The following TAB2 variants were observed in gnomAD, a reference collection of about 807,000 sequenced individuals.
The protein encoded by TAB2 is TGF-beta activated kinase 1 (MAP3K7) binding protein 2, also known as TGF-beta-activated kinase 1 and MAP3K7-binding protein 2.
A neutral mutation model predicts 65.0 loss-of-function variants in TAB2; 3 were observed. The observed-to-expected ratio is 0.05, with a 90% CI of 0.02 to 0.12. TAB2 has a LOEUF of 0.12. Among genes scored for constraint, TAB2 ranks in the 10% least tolerant of loss-of-function variants. TAB2 has a pLI of 1.00. For missense variants in TAB2, 623 were observed against 840.3 expected (o/e 0.74, Z 3.20); for synonymous variants, 298 against 285.1 (o/e 1.05, Z -0.46).
At chr6:149,399,566 T>C (rs757717663) in intron 6 of TAB2, among the ~76,000 whole-genome samples, 7 of 150,904 alleles carry the variant, frequency 4.6e-5, no homozygotes, top group Non-Finnish European at 8.8e-5. Flanking sequence ...AATTTATATA[T>C]AACTTTAAGT....
At chr6:149,256,767 A>C (rs1220214042) in intron 1 of TAB2, among the ~76,000 whole-genome samples, 1 of 152,212 alleles carries the variant, frequency 6.6e-6, no homozygotes, top group Non-Finnish European at 1.5e-5. Context: ...AGACTTCTTT[A>C]GAAAATTACA....
chr6:149,351,088 C>CT (rs1780475524), intron 1 of TAB2, among the ~76,000 whole-genome samples: 1 of 152,002 alleles, frequency 6.6e-6, no homozygotes, highest in African/African-American at 2.4e-5. Flanking sequence ...TTCTTTTATA[C>CT]TTTAAGTTCC....
chr6:149,278,860 C>T (rs1778523211), intron 1 of TAB2, among the ~76,000 whole-genome samples: 1 of 152,122 alleles, frequency 6.6e-6, no homozygotes, highest in Non-Finnish European at 1.5e-5. Context: ...GGGAGGATCA[C>T]TTGAGCCCAG....
upstream of TAB2, among the ~76,000 whole-genome samples, chr6:149,313,959 A>T (rs1257066011): frequency 6.6e-6 from 1 of 152,172 alleles, no homozygotes; most frequent in Non-Finnish European, 1.5e-5. Context: ...CCATCTTACT[A>T]TTAACCAGAC....
At chr6:149,351,682 T>G (rs1485358918) in intron 1 of TAB2, among the ~76,000 whole-genome samples, 3 of 152,162 alleles carry the variant, frequency 2.0e-5, no homozygotes, top group Non-Finnish European at 4.4e-5. Flanking sequence ...ATTAAATGAT[T>G]TGCCCAAGAA....
intron 1 of TAB2, among the ~76,000 whole-genome samples, chr6:149,219,306 T>TTGTGTGTGTGTGTGTG (rs3064238): frequency 6.8e-5 from 10 of 146,220 alleles, no homozygotes; most frequent in African/African-American, 2.0e-4. Context: ...ATTTTAACAT[T>TTGTGTGTGTGTGTGTG]TGTGTGTGTG....
At chr6:149,364,864 C>T (rs1174517477) in intron 1 of TAB2, among the ~76,000 whole-genome samples, 1 of 151,576 alleles carries the variant, frequency 6.6e-6, no homozygotes, top group Non-Finnish European at 1.5e-5. Flanking sequence ...ATAAACTGCA[C>T]TGAATATGAA....
At position 149,410,873 on chromosome 6, in the gene TAB2, C is replaced by T. The variant is rs1158290313; in HGVS notation, c.*1154C>T. ...ACAGTCTCAAAACCAGCAACAGCAG[C>T]AGTACCTACAGCCCTTTTTTTGGAG... is the stretch of plus-strand genomic sequence containing the variant. On this transcript the variant is annotated 3_prime_UTR_variant, in exon 7 of 7. Coordinates refer to ENST00000637181, the MANE Select transcript of TAB2 (RefSeq NM_001292034.3). 6.6e-6 allele frequency: 1 copy of T among 152,470 alleles called. No homozygotes were observed. The highest frequency in any genetic ancestry group is 1.5e-5 in the Non-Finnish European group (1 of 68,048). The allele number at this position is 152,470 out of a possible 1,614,324, so 9.4% of individuals were successfully genotyped here.
intron 3 of TAB2, among the ~76,000 whole-genome samples, chr6:149,389,145 G>T (rs1342215440): frequency 6.6e-6 from 1 of 151,552 alleles, no homozygotes; most frequent in South Asian, 2.1e-4. Context: ...TAGTAGAGAT[G>T]GGGTTTCATC....
chr6:149,283,358 C>G (rs923737133), intron 1 of TAB2, among the ~76,000 whole-genome samples: 2 of 152,086 alleles, frequency 1.3e-5, no homozygotes, highest in African/African-American at 4.8e-5. Flanking sequence ...ATTGATAATA[C>G]CTATAACTAA....
In TAB2 at chr6:149,254,106, G is replaced by GGA. The variant is rs1402521454; in HGVS notation, c.-121+35330_-121+35331insGA. Among the ~76,000 whole-genome samples, 646 of 106,152 alleles carry GGA rather than the reference G, an allele frequency of 6.1e-3. 4 individuals are homozygous for GGA. The highest frequency in any genetic ancestry group is 0.017 in the Middle Eastern group (4 of 238). 69.6% of individuals were successfully genotyped at this position (106,152 alleles called of 152,430 possible). On this transcript the variant is annotated intron_variant, in intron 1 of 1. Coordinates refer to the TAB2 transcript ENST00000606202. ...GGAAGGAAGGAAGGAAGGAAGGAAG[G>GGA]AAGGAAGGACAGGGAAGGGAAGGGA...
chr6:149,254,920 A>T (rs1170416077), intron 1 of TAB2, among the ~76,000 whole-genome samples: 1 of 152,240 alleles, frequency 6.6e-6, no homozygotes, highest in Non-Finnish European at 1.5e-5. Context: ...TCTAATTTAG[A>T]TGATACTTAG....
rs1386392140 is a variant in TAB2 at position 149,379,172 on chromosome 6, C to G, written c.1257C>G (p.Ser419=). Residue 419 remains serine, a synonymous_variant, in exon 3 of 7, where the codon TCC becomes TCG. Transcript: ENST00000637181. ...CAAACTCTGGAGCATCTGCTGCCTC[C>G]AGGAACATGTCTGGGCAAGTGAGCA... is the stretch of plus-strand genomic sequence containing the variant. ...ISTNSGASAA[S]RNMSGQVSMG... is the part of the protein sequence containing the mutation. The G allele has an allele frequency of 5.6e-6, 9 of 1,614,214 alleles. No individual in the cohort carries two copies. Among genetic ancestry groups the G allele is most frequent in the Non-Finnish European group, 7.6e-6 (9 of 1,180,044 alleles).
chr6:149,389,607 T>G lies in TAB2; in HGVS notation c.1604-7997T>G, dbSNP rs1458306828. 2.7e-5 allele frequency among the ~76,000 whole-genome samples: 4 copies of G among 146,036 alleles called. No individual in the cohort carries two copies. In the East Asian group the frequency reaches 8.0e-4, roughly 29 times the overall value. The stretch of plus-strand genomic sequence containing the variant: ...TTGTGGTGAGCCAAGATCACGCCAT[T>G]GCACTCCAGCCTGGGCAACAAGAGT... On this transcript the variant is annotated intron_variant, in intron 3 of 6. Coordinates refer to ENST00000637181, the MANE Select transcript of TAB2 (RefSeq NM_001292034.3).
At chr6:149,231,005 A>C in intron 1 of TAB2, among the ~76,000 whole-genome samples, 1 of 152,186 alleles carries the variant, frequency 6.6e-6, no homozygotes. Flanking sequence ...AAGCTCACTT[A>C]CTGAGCTGGT....
intron 1 of TAB2, among the ~76,000 whole-genome samples, chr6:149,305,611 A>G (rs1047983432): frequency 6.6e-6 from 1 of 151,926 alleles, no homozygotes; most frequent in Non-Finnish European, 1.5e-5. Context: ...AAAAAAAAAC[A>G]ATAGAACACA....
At chr6:149,278,825 T>C (rs1778522639) in intron 1 of TAB2, among the ~76,000 whole-genome samples, 1 of 151,998 alleles carries the variant, frequency 6.6e-6, no homozygotes, top group African/African-American at 2.4e-5. Context: ...ATGCCTGCAA[T>C]TCCAACACTT....
intron 3 of TAB2, among the ~76,000 whole-genome samples, chr6:149,387,580 T>TA (rs1781845830): frequency 6.6e-6 from 1 of 152,194 alleles, no homozygotes; most frequent in African/African-American, 2.4e-5. Context: ...CTTGGCTATT[T>TA]AGAGTCTCTT....
At position 149,379,165 on chromosome 6, in the gene TAB2, C is replaced by A; in HGVS notation, c.1250C>A (p.Ala417Asp). 1 of 1,614,246 alleles carries A rather than the reference C, an allele frequency of 6.2e-7. No individual in the cohort carries two copies. The highest frequency in any genetic ancestry group is 8.5e-7 in the Non-Finnish European group (1 of 1,180,044). ...LFISTNSGAS[A>D]ASRNMSGQVS... The stretch of plus-strand genomic sequence containing the variant: ...ATATCCACAAACTCTGGAGCATCTG[C>A]TGCCTCCAGGAACATGTCTGGGCAA... Residue 417 changes from alanine to aspartate, a missense_variant, in exon 3 of 7, where the codon GCT (alanine) becomes GAT (aspartate). By Grantham distance (126) the Ala-to-Asp change is moderately radical (BLOSUM62 -2). Transcript: ENST00000637181.
Sources: allele counts gnomAD v4.1 joint callset (sites outside exome capture counted in the v4.1 genomes callset), GRCh38; gene constraint gnomAD v4.1.1; transcripts MANE v1.5; gene names NCBI Gene and HGNC (gene_info 2026-07-23, HGNC 2026-07-21).